Variants in PSG9 observed in about 807,000 individuals in gnomAD.
PSG9 encodes pregnancy specific beta-1-glycoprotein 9, also known as pregnancy-specific beta-1-glycoprotein 9.
PSG9 carries 49 observed loss-of-function variants against 41.9 expected under a neutral mutation model. The observed-to-expected ratio is 1.17, with a 90% CI of 0.93 to 1.48. The LOEUF is 1.48. Ranked by LOEUF, PSG9 falls within the 40% of genes most tolerant of loss-of-function variation. The pLI is 0.00. For synonymous variants in PSG9, 263 were observed against 196.8 expected, an observed-to-expected ratio of 1.34 and a Z score of -2.82; for missense variants, 641 against 520.3, an observed-to-expected ratio of 1.23 and a Z score of -2.26.
rs552620945 is a variant in PSG9 at position 43,261,937 on chromosome 19, A to G, written c.632T>C (p.Ile211Thr). Residue 211 changes from isoleucine (I) to threonine (T), a missense_variant, in exon 3 of 6, where the codon ATT (isoleucine) becomes ACT (threonine). Transcript: ENST00000270077. The stretch of plus-strand genomic sequence containing the variant: ...TATTTCACATTCATAGGGTCCTGCA[A>G]TATACTTTGTGACACCAAATAGATA... Reference protein sequence around the residue: ...TLYLFGVTKYIAGPYECEIRN... With the variant: ...TLYLFGVTKYTAGPYECEIRN... 3.7e-6 allele frequency: 6 copies of G among 1,613,942 alleles called. No homozygotes were observed. The highest frequency in any genetic ancestry group is 4.5e-5 in the East Asian group (2 of 44,888).
At chr19:43,266,736 C>T (rs190246982) in intron 2 of PSG9, among the ~76,000 whole-genome samples, 3 of 152,026 alleles carry the variant, frequency 2.0e-5, no homozygotes, top group Non-Finnish European at 4.4e-5. Context: ...ACTATGGGGT[C>T]CTTGGAACCC....
At chr19:43,254,160 C>G (rs961675809) in intron 5 of PSG9, among the ~76,000 whole-genome samples, 1 of 145,800 alleles carries the variant, frequency 6.9e-6, no homozygotes, top group African/African-American at 2.6e-5. Context: ...ATGTGCCAGG[C>G]CCTGTGCTCA....
Position 43,259,316 on chromosome 19 carries a change from C to A in PSG9, c.710-181G>T, listed in dbSNP as rs998993013. On this transcript the variant is annotated intron_variant, in intron 3 of 5. Coordinates refer to ENST00000270077, the MANE Select transcript of PSG9 (RefSeq NM_002784.5). ...TCTAAGGGCTCAAAGACTGTGAGGC[C>A]GCCTGCTCTGTCTTAGGGAAGCACA... The A allele has an allele frequency of 5.0e-6, 6 of 1,194,002 alleles. No homozygotes were observed. In the African/African-American group the frequency reaches 1.0e-4, roughly 20 times the overall value. 74.0% of individuals were successfully genotyped at this position (1,194,002 alleles called of 1,614,324 possible).
chr19:43,267,239 G>A (rs1969012310), intron 2 of PSG9, among the ~76,000 whole-genome samples: 1 of 152,126 alleles, frequency 6.6e-6, no homozygotes, highest in Non-Finnish European at 1.5e-5. Context: ...GACTCTGAGG[G>A]CTGAGCCCTG....
chr19:43,258,669 A>C lies in PSG9; in HGVS notation c.988+188T>G, dbSNP rs566273618. On this transcript the variant is annotated intron_variant, in intron 4 of 5. Transcript: ENST00000270077. ...CAAGTCTCCCATGACAAGAGCATCC[A>C]CTCCCCTTATATTCTTGGTTAAGGC... Among the ~76,000 whole-genome samples the C allele has an allele frequency of 3.2e-4, 46 of 144,622 alleles. 5 individuals are homozygous for C. Among genetic ancestry groups the C allele is most frequent in the Admixed American group, 2.1e-3 (30 of 14,486 alleles). 94.9% of individuals were successfully genotyped at this position (144,622 alleles called of 152,430 possible).
chr19:43,263,339 T>C (rs192401055), intron 2 of PSG9, among the ~76,000 whole-genome samples: 2 of 152,266 alleles, frequency 1.3e-5, no homozygotes, highest in Non-Finnish European at 2.9e-5. Flanking sequence ...TGTTTTGGAT[T>C]TCTAATTTTT....
chr19:43,258,765 T>C, intron 4 of PSG9, 92 bp downstream of exon 4: 1 of 1,530,704 alleles, frequency 6.5e-7, no homozygotes, highest in Non-Finnish European at 8.8e-7. Context: ...AAGGTGTCTA[T>C]ACTTGGACCG....
intron 1 of PSG9, among the ~76,000 whole-genome samples, chr19:43,269,086 C>G (rs2042350953): frequency 6.6e-6 from 1 of 151,950 alleles, no homozygotes; most frequent in South Asian, 2.1e-4. Flanking sequence ...CTAGCTGCAA[C>G]TTCTGCCTCC....
In PSG9 at chr19:43,253,661, G is replaced by A. The variant is rs1276084500; in HGVS notation, c.1244-15C>T. The A allele has an allele frequency of 8.2e-7, 1 of 1,216,296 alleles. No homozygotes were observed. The highest frequency in any genetic ancestry group is 3.0e-5 in the East Asian group (1 of 33,296). The allele number at this position is 1,216,296 out of a possible 1,614,324, so 75.3% of individuals were successfully genotyped here. A position where few individuals can be genotyped will look rare whatever the true frequency, so the allele number is the denominator to read the frequency against. ...ATGGCAGGGACCTGATTGACAGAAGGCCCAGGTCAGTGCATTTCAAATTCA... is the reference window on the plus strand; with the variant it reads ...ATGGCAGGGACCTGATTGACAGAAGACCCAGGTCAGTGCATTTCAAATTCA... On this transcript the variant is annotated splice_polypyrimidine_tract_variant and intron_variant, in intron 5 of 5. Transcript: ENST00000270077.
chr19:43,266,778 T>A (rs1351572023), intron 2 of PSG9, among the ~76,000 whole-genome samples: 4 of 152,242 alleles, frequency 2.6e-5, no homozygotes, highest in Middle Eastern at 3.4e-3. Flanking sequence ...GAGGAGAGGA[T>A]AGGCCTGTGG....
chr19:43,262,164 G>C, intron 2 of PSG9, 26 bp from the exon 3 acceptor site: 2 of 1,600,818 alleles, frequency 1.2e-6, no homozygotes, highest in Non-Finnish European at 1.7e-6. Context: ...AGAGAAGATT[G>C]CCCTGTGTGG....
intron 5 of PSG9, among the ~76,000 whole-genome samples, chr19:43,255,094 T>C (rs1955362378): frequency 8.0e-6 from 1 of 124,750 alleles, no homozygotes; most frequent in African/African-American, 3.3e-5. Context: ...AGAGCCTGTC[T>C]CTCTCTCTTC....
chr19:43,262,816 A>T (rs956712272), intron 2 of PSG9, among the ~76,000 whole-genome samples: 4 of 152,172 alleles, frequency 2.6e-5, no homozygotes, highest in African/African-American at 9.7e-5. Context: ...TGACCTACAA[A>T]GAGTGAAGGG....
In PSG9 at chr19:43,269,352, GA is replaced by G. The variant is rs1969139745; in HGVS notation, c.64+15del. The G allele has an allele frequency of 6.2e-7, 1 of 1,613,234 alleles. No individual in the cohort carries two copies. Among genetic ancestry groups the G allele is most frequent in the Admixed American group, 1.7e-5 (1 of 59,970 alleles). On this transcript the variant is annotated intron_variant, in intron 1 of 5. Transcript: ENST00000270077. ...GCTTCCTCCCCCTGTCCTCTCCCAGGAAGTTCTCTCCTCACCTGTGAGCAGG... is the reference window on the plus strand; with the variant it reads ...GCTTCCTCCCCCTGTCCTCTCCCAGGAGTTCTCTCCTCACCTGTGAGCAGG...
chr19:43,264,531 C>T (rs887202320), intron 2 of PSG9, among the ~76,000 whole-genome samples: 4 of 152,136 alleles, frequency 2.6e-5, no homozygotes, highest in African/African-American at 9.6e-5. Flanking sequence ...GATCTCAGCT[C>T]ACTGCAAGCT....
rs1298628287 is a variant in PSG9, at chr19:43,257,711, G to C, written c.1243+491C>G. On this transcript the variant is annotated intron_variant, in intron 5 of 5. Transcript: ENST00000270077. ...AGTGAGGCAGGGCCAGTCACCAGAG[G>C]AGCCCGGAGCAGAGCAGGAAGCAGA... 11 of 1,135,858 alleles carry C rather than the reference G, an allele frequency of 9.7e-6. 3 individuals carry two copies. Among genetic ancestry groups the C allele is most frequent in the East Asian group, 6.8e-5 (1 of 14,726 alleles). 70.4% of individuals were successfully genotyped at this position (1,135,858 alleles called of 1,614,324 possible). A position where few individuals can be genotyped will look rare whatever the true frequency, so the allele number is the denominator to read the frequency against.
chr19:43,264,730 G>A (rs958456506), intron 2 of PSG9, among the ~76,000 whole-genome samples: 7 of 152,164 alleles, frequency 4.6e-5, no homozygotes, highest in African/African-American at 1.7e-4. Context: ...GGGATTATAG[G>A]CTTGAGCCAC....
Position 43,267,775 on chromosome 19 carries a change from A to G in PSG9, c.430+9T>C. 1.9e-6 allele frequency: 3 copies of G among 1,612,642 alleles called. No homozygotes were observed. Among genetic ancestry groups the G allele is most frequent in the Non-Finnish European group, 2.5e-6 (3 of 1,179,174 alleles). ...CCCCAACACCCAGGGATCATGTGGA[A>G]TCACTCACAGTATAAGGTGAAGGTG... On this transcript the variant is annotated intron_variant, in intron 2 of 5. Coordinates refer to ENST00000270077, the MANE Select transcript of PSG9 (RefSeq NM_002784.5).
At chr19:43,260,735 A>C (rs1025749330) in intron 3 of PSG9, 2 of 152,048 alleles carry the variant, frequency 1.3e-5, no homozygotes, top group Admixed American at 1.3e-4. Context: ...CTAATTCTGC[A>C]AAAAATGTTA....
Sources: allele counts gnomAD v4.1 joint callset (sites outside exome capture counted in the v4.1 genomes callset), GRCh38; gene constraint gnomAD v4.1.1; transcripts MANE v1.5; gene names NCBI Gene and HGNC (gene_info 2026-07-23, HGNC 2026-07-21).